TTC29: variants seen among roughly 807,000 people sequenced by gnomAD.
TTC29 encodes the protein tetratricopeptide repeat protein 29.
In TTC29, 49 loss-of-function variants were observed where a neutral mutation model predicts 58.1. That is an observed-to-expected ratio of 0.84 (90% CI 0.67 to 1.07). The LOEUF is 1.07. TTC29 is among the 50% of genes least tolerant of loss of function. The pLI is 0.00. For missense variants in TTC29, 582 were observed against 555.6 expected (o/e 1.05, Z -0.48); for synonymous variants, 209 against 196.8 (o/e 1.06, Z -0.52).
At position 146,737,601 on chromosome 4, in the gene TTC29, G is replaced by C. The variant is rs1053866883; in HGVS notation, c.1331-30050C>G. Among the ~76,000 whole-genome samples the C allele has an allele frequency of 1.1e-3, 166 of 147,852 alleles. 1 individual carries two copies. Among genetic ancestry groups the C allele is most frequent in the Non-Finnish European group, 1.9e-3 (130 of 66,688 alleles). On this transcript the variant is annotated intron_variant, in intron 11 of 12. Coordinates refer to ENST00000325106, the MANE Select transcript of TTC29 (RefSeq NM_031956.4). Reference sequence around the variant, plus strand: ...GATGCTAGTAGCCCTGGGGGGGGGGGGGCTACAAACGGGTCTTGACAGGAA... The same window carrying C: ...GATGCTAGTAGCCCTGGGGGGGGGGCGGCTACAAACGGGTCTTGACAGGAA...
At chr4:146,740,772 C>T (rs1006701938) in intron 11 of TTC29, among the ~76,000 whole-genome samples, 2 of 152,068 alleles carry the variant, frequency 1.3e-5, no homozygotes, top group South Asian at 4.1e-4. Context: ...CTGCACCTAG[C>T]TGAGTGCAGT....
chr4:146,743,666 C>G (rs1579574100), intron 11 of TTC29, among the ~76,000 whole-genome samples: 1 of 152,212 alleles, frequency 6.6e-6, no homozygotes, highest in Admixed American at 6.5e-5. Context: ...AAGATTATTA[C>G]AGATTGCTTT....
At chr4:146,785,984 TACACAC>T (rs149100538) in intron 11 of TTC29, among the ~76,000 whole-genome samples, 170 of 149,380 alleles carry the variant, frequency 1.1e-3, no homozygotes, top group African/African-American at 3.1e-3. Flanking sequence ...TATATATGTG[TACACAC>T]ACACACACAC....
chr4:146,757,700 T>C (rs1029710328), intron 11 of TTC29, among the ~76,000 whole-genome samples: 1 of 152,116 alleles, frequency 6.6e-6, no homozygotes, highest in Non-Finnish European at 1.5e-5. Context: ...GCCAAGAATT[T>C]TGTATCCAGC....
chr4:146,919,153 T>C (rs1734424230), intron 4 of TTC29, among the ~76,000 whole-genome samples: 1 of 151,142 alleles, frequency 6.6e-6, no homozygotes. Flanking sequence ...AGATATTAAA[T>C]GAGTGTTAAA....
At chr4:146,833,376 G>A (rs759721267) in intron 9 of TTC29, among the ~76,000 whole-genome samples, 4 of 152,160 alleles carry the variant, frequency 2.6e-5, no homozygotes, top group Admixed American at 1.3e-4. Flanking sequence ...ATCCAGATGT[G>A]CTCAAAGGAG....
intron 11 of TTC29, among the ~76,000 whole-genome samples, chr4:146,724,090 G>A (rs940474508): frequency 2.6e-5 from 4 of 152,164 alleles, no homozygotes; most frequent in African/African-American, 9.7e-5. Flanking sequence ...GATGCAGCTG[G>A]AGGCCATTAT....
rs1263187680 is a variant in TTC29 at position 146,754,854 on chromosome 4, C to T, written c.1331-47303G>A. On this transcript the variant is annotated intron_variant, in intron 11 of 12. Coordinates refer to ENST00000325106, the MANE Select transcript of TTC29 (RefSeq NM_031956.4). ...TAAGATCTAGTATCAGGCAAGATGC[C>T]CATTGTTACCACTTCTATTTAACAT... Among the ~76,000 whole-genome samples, 3 of 151,352 alleles carry T rather than the reference C, an allele frequency of 2.0e-5. No homozygotes were observed. The South Asian group carries it at 6.3e-4, about 32-fold the overall frequency.
intron 11 of TTC29, among the ~76,000 whole-genome samples, chr4:146,755,102 T>C (rs924573920): frequency 6.6e-6 from 1 of 152,040 alleles, no homozygotes; most frequent in East Asian, 1.9e-4. Context: ...ATAGCCACCT[T>C]ATTGAAAATA....
chr4:146,719,065 A>G (rs1743161323), intron 11 of TTC29, among the ~76,000 whole-genome samples: 1 of 152,096 alleles, frequency 6.6e-6, no homozygotes, highest in African/African-American at 2.4e-5. Context: ...CTATTGGTCA[A>G]TAACTCTATT....
At chr4:146,749,737 C>T (rs1745836792) in intron 11 of TTC29, among the ~76,000 whole-genome samples, 1 of 152,002 alleles carries the variant, frequency 6.6e-6, no homozygotes, top group Non-Finnish European at 1.5e-5. Flanking sequence ...AGCTTCAAGG[C>T]ACATTATAAT....
chr4:146,780,792 A>G (rs1748538159), intron 11 of TTC29, among the ~76,000 whole-genome samples: 1 of 152,114 alleles, frequency 6.6e-6, no homozygotes. Context: ...AACAAATTAT[A>G]AAATGGAGAA....
intron 11 of TTC29, among the ~76,000 whole-genome samples, chr4:146,764,855 G>GT (rs1296153454): frequency 1.3e-5 from 2 of 152,028 alleles, no homozygotes; most frequent in African/African-American, 4.8e-5. Flanking sequence ...TAACGTTGGT[G>GT]TTTTTTCTTA....
At chr4:146,871,160 C>T (rs1255476775) in intron 7 of TTC29, among the ~76,000 whole-genome samples, 2 of 151,718 alleles carry the variant, frequency 1.3e-5, no homozygotes, top group South Asian at 2.1e-4. Context: ...TTTAGCCCAG[C>T]GATGCAAGGT....
chr4:146,928,574 T>C (rs1365636342), intron 4 of TTC29, among the ~76,000 whole-genome samples: 2 of 152,334 alleles, frequency 1.3e-5, no homozygotes, highest in South Asian at 2.1e-4. Context: ...GATACTGTTA[T>C]AGGTGCTGGA....
intron 11 of TTC29, among the ~76,000 whole-genome samples, chr4:146,723,547 A>T (rs758499930): frequency 2.6e-5 from 4 of 152,126 alleles, no homozygotes; most frequent in Admixed American, 6.6e-5. Context: ...AAAGACAAAA[A>T]CTCCATTAAA....
chr4:146,748,932 A>G (rs1438897233), intron 11 of TTC29, among the ~76,000 whole-genome samples: 1 of 152,200 alleles, frequency 6.6e-6, no homozygotes, highest in Non-Finnish European at 1.5e-5. Flanking sequence ...GAGAATCCAC[A>G]ATAATGATCT....
chr4:146,817,001 A>G (rs1252175669), intron 10 of TTC29, among the ~76,000 whole-genome samples: 1 of 152,170 alleles, frequency 6.6e-6, no homozygotes, highest in Admixed American at 6.5e-5. Flanking sequence ...GAAAAACAGA[A>G]GTTTATAAAG....
At chr4:146,754,961 ATC>A (rs1164445509) in intron 11 of TTC29, among the ~76,000 whole-genome samples, 1 of 152,062 alleles carries the variant, frequency 6.6e-6, no homozygotes, top group African/African-American at 2.4e-5. Context: ...AATAAAAATG[ATC>A]TCTGTTTGCA....
Sources: gnomAD v4.1 joint callset for allele counts (sites outside exome capture counted in the v4.1 genomes callset) on GRCh38, gnomAD v4.1.1 for gene constraint, MANE v1.5 for transcripts, NCBI Gene and HGNC (gene_info 2026-07-23, HGNC 2026-07-21) for gene names.